ULK4: variants seen among roughly 807,000 people sequenced by gnomAD.
ULK4 encodes inactive serine/threonine-protein kinase ULK4.
In ULK4, 133 loss-of-function variants were observed where a neutral mutation model predicts 160.6. That is an observed-to-expected ratio of 0.83 (90% CI 0.72 to 0.96). ULK4 has a LOEUF of 0.96. ULK4 is among the 40% of genes least tolerant of loss of function. ULK4 has a pLI of 0.00. For synonymous variants in ULK4, 534 were observed against 539.8 expected (o/e 0.99, Z 0.15); for missense variants, 1,580 against 1,499.5 (o/e 1.05, Z -0.89).
chr3:41,336,368 A>G (rs1287161919), intron 35 of ULK4, among the ~76,000 whole-genome samples: 1 of 152,220 alleles, frequency 6.6e-6, no homozygotes. Flanking sequence ...GAGAACTTCA[A>G]GCTCCCTCTG....
intron 35 of ULK4, among the ~76,000 whole-genome samples, chr3:41,270,111 T>C (rs575449857): frequency 3.8e-4 from 57 of 151,830 alleles, no homozygotes; most frequent in Admixed American, 1.4e-3. Context: ...AAGTTGGAGG[T>C]CATGATATTA....
intron 18 of ULK4, among the ~76,000 whole-genome samples, chr3:41,823,620 G>T (rs1442378219): frequency 6.6e-6 from 1 of 152,146 alleles, no homozygotes; most frequent in African/African-American, 2.4e-5. Flanking sequence ...GACTCAGGTT[G>T]TTGTATTATG....
intron 32 of ULK4, among the ~76,000 whole-genome samples, chr3:41,550,562 T>C (rs574712633): frequency 6.6e-6 from 1 of 151,852 alleles, no homozygotes; most frequent in African/African-American, 2.4e-5. Context: ...TACATAACAA[T>C]AAAGGAATCA....
At chr3:41,498,241 CAA>C (rs2085062050) in intron 32 of ULK4, among the ~76,000 whole-genome samples, 1 of 152,018 alleles carries the variant, frequency 6.6e-6, no homozygotes, top group African/African-American at 2.4e-5. Flanking sequence ...AAATCAGTAA[CAA>C]TAAAGTATCT....
intron 34 of ULK4, among the ~76,000 whole-genome samples, chr3:41,415,799 C>A (rs2082513193): frequency 1.3e-5 from 2 of 152,158 alleles, no homozygotes; most frequent in Admixed American, 6.5e-5. Context: ...TTTGTCTCAG[C>A]CCATGGAAGC....
intron 19 of ULK4, among the ~76,000 whole-genome samples, chr3:41,809,869 A>G (rs1469342832): frequency 6.6e-6 from 1 of 152,228 alleles, no homozygotes; most frequent in African/African-American, 2.4e-5. Flanking sequence ...CTGAGAGTAC[A>G]TCTATAAATG....
chr3:41,829,296 G>T (rs2041486005), intron 18 of ULK4, among the ~76,000 whole-genome samples: 1 of 146,030 alleles, frequency 6.8e-6, no homozygotes. Flanking sequence ...ATTGACAAAT[G>T]GGATCTAATT....
intron 34 of ULK4, among the ~76,000 whole-genome samples, chr3:41,403,198 G>A (rs551047302): frequency 1.3e-5 from 2 of 151,404 alleles, no homozygotes; most frequent in African/African-American, 4.8e-5. Context: ...TAATTCTTCT[G>A]TAATTGTTTG....
At chr3:41,551,213 C>T (rs545796609) in intron 32 of ULK4, among the ~76,000 whole-genome samples, 1 of 151,582 alleles carries the variant, frequency 6.6e-6, no homozygotes, top group South Asian at 2.1e-4. Context: ...AATCTAAAAA[C>T]ATACCTAAAG....
At chr3:41,768,952 C>G (rs531096569) in intron 21 of ULK4, among the ~76,000 whole-genome samples, 1 of 152,228 alleles carries the variant, frequency 6.6e-6, no homozygotes, top group Admixed American at 6.5e-5. Flanking sequence ...AATAAACTCA[C>G]TGTAAATCAA....
intron 34 of ULK4, among the ~76,000 whole-genome samples, chr3:41,428,648 T>C (rs1212180337): frequency 6.6e-6 from 1 of 152,038 alleles, no homozygotes; most frequent in Non-Finnish European, 1.5e-5. Context: ...TTGACAAACC[T>C]GACAAAAACA....
intron 21 of ULK4, 38 bp downstream of exon 21, chr3:41,789,623 T>A: frequency 6.7e-7 from 1 of 1,494,240 alleles, no homozygotes; most frequent in Non-Finnish European, 8.9e-7. Context: ...AAGAAAACAA[T>A]TTTTAATGTA....
intron 27 of ULK4, among the ~76,000 whole-genome samples, chr3:41,701,195 A>T (rs2036661473): frequency 6.6e-6 from 1 of 152,164 alleles, no homozygotes; most frequent in Non-Finnish European, 1.5e-5. Flanking sequence ...AGACTGATGA[A>T]AAAGAACAAT....
intron 34 of ULK4, 146 bp from the exon 35 acceptor site, chr3:41,398,410 G>T (rs1031486291): frequency 1.3e-6 from 1 of 748,454 alleles, no homozygotes; most frequent in Non-Finnish European, 2.1e-6. Context: ...TTGAGACAGG[G>T]TCCCACTCTG....
intron 32 of ULK4, among the ~76,000 whole-genome samples, chr3:41,497,108 T>C (rs1187619720): frequency 1.3e-5 from 2 of 150,850 alleles, no homozygotes; most frequent in Non-Finnish European, 2.9e-5. Context: ...CTAATGATAA[T>C]ATGTTGAAAG....
In ULK4 at chr3:41,900,006, C is replaced by G. The variant is rs376025794; in HGVS notation, c.1287+719G>C. On this transcript the variant is annotated intron_variant, in intron 13 of 36. Transcript: ENST00000301831. Reference sequence around the variant, plus strand: ...AACATTTATAAATAAGAAAAAGAAGCAGGAAAATTAAAATAGAGAAAAAGT... The same window carrying G: ...AACATTTATAAATAAGAAAAAGAAGGAGGAAAATTAAAATAGAGAAAAAGT... Among the ~76,000 whole-genome samples, 8 of 152,034 alleles carry G rather than the reference C, an allele frequency of 5.3e-5. No individual in the cohort carries two copies. In the South Asian group the frequency reaches 8.3e-4, roughly 16 times the overall value.
At chr3:41,579,295 T>G (rs1462922792) in intron 31 of ULK4, among the ~76,000 whole-genome samples, 1 of 151,880 alleles carries the variant, frequency 6.6e-6, no homozygotes, top group Non-Finnish European at 1.5e-5. Flanking sequence ...GTGCTAAGAA[T>G]GAAGGGACAG....
At chr3:41,956,471 G>C (rs1011033316) in intron 1 of ULK4, among the ~76,000 whole-genome samples, 1 of 152,028 alleles carries the variant, frequency 6.6e-6, no homozygotes, top group African/African-American at 2.4e-5. Flanking sequence ...TGGGCATTTT[G>C]TCCAGTTCTT....
intron 19 of ULK4, among the ~76,000 whole-genome samples, chr3:41,803,622 C>T (rs2040538615): frequency 6.6e-6 from 1 of 152,246 alleles, no homozygotes; most frequent in East Asian, 1.9e-4. Context: ...TCTGCTAATG[C>T]TATCCCTCCC....
Sources: gnomAD v4.1 joint callset for allele counts (sites outside exome capture counted in the v4.1 genomes callset) on GRCh38, gnomAD v4.1.1 for gene constraint, MANE v1.5 for transcripts, NCBI Gene and HGNC (gene_info 2026-07-23, HGNC 2026-07-21) for gene names.